Variants in LZIC observed in about 807,000 individuals in gnomAD.
LZIC encodes the protein leucine zipper and CTNNBIP1 domain containing.
Under a neutral mutation model 25.4 loss-of-function variants are expected in LZIC, and 28 were observed. That is an observed-to-expected ratio of 1.10 (90% CI 0.82 to 1.51). The LOEUF is 1.51. LZIC is among the 40% of genes most tolerant of loss of function. The probability of loss-of-function intolerance (pLI) is 0.00; values close to 1 mark genes in which losing one functional copy is unlikely to be tolerated. For missense variants in LZIC, 170 were observed against 211.1 expected, an observed-to-expected ratio of 0.81 and a Z score of 1.21; for synonymous variants, 65 against 70.7, an observed-to-expected ratio of 0.92 and a Z score of 0.40.
downstream of LZIC, chr1:9,922,299 C>T (rs775986479): frequency 2.7e-4 from 264 of 985,130 alleles, no homozygotes; most frequent in Non-Finnish European, 3.1e-4. Context: ...TTGCTGGGGA[C>T]ATCAATATTT....
chr1:9,936,552 A>G lies in LZIC; in HGVS notation c.68T>C (p.Leu23Pro). 1 of 1,613,004 alleles carries G rather than the reference A, an allele frequency of 6.2e-7. No individual in the cohort carries two copies. Among genetic ancestry groups the G allele is most frequent in the Non-Finnish European group, 8.5e-7 (1 of 1,179,022 alleles). ...CTCCAGATCTTGTAATTGTTGCATGAGTCTATCCAACTGTTCTTCTAAATT... is the reference window on the plus strand; with the variant it reads ...CTCCAGATCTTGTAATTGTTGCATGGGTCTATCCAACTGTTCTTCTAAATT... ...KQNLEEQLDRLMQQLQDLEEC... is the reference protein window; with the variant it reads ...KQNLEEQLDRPMQQLQDLEEC... Residue 23 changes from leucine to proline, a missense_variant, in exon 3 of 8, where the codon CTC becomes CCC. Coordinates refer to ENST00000377223, the MANE Select transcript of LZIC (RefSeq NM_032368.5).
intron 2 of LZIC, among the ~76,000 whole-genome samples, chr1:9,939,408 C>CAGGCTGGAGTGCAGT (rs1640602569): frequency 7.4e-6 from 1 of 134,234 alleles, no homozygotes; most frequent in Non-Finnish European, 1.5e-5. Context: ...CTCTGTCACC[C>CAGGCTGGAGTGCAGT]AGGCTGGAGT....
intron 6 of LZIC, 94 bp from the exon 7 acceptor site, chr1:9,932,066 G>T: frequency 1.6e-6 from 1 of 631,824 alleles, no homozygotes; most frequent in Non-Finnish European, 2.4e-6. Context: ...TGGGCACCGT[G>T]GCTCACGCCT....
chr1:9,926,042 C>T (rs1414834589), downstream of LZIC, among the ~76,000 whole-genome samples: 4 of 151,856 alleles, frequency 2.6e-5, no homozygotes, highest in East Asian at 1.9e-4. Flanking sequence ...TACAGGCGCC[C>T]GCCACCACGC....
At position 9,942,686 on chromosome 1, in the gene LZIC, G is replaced by A. The variant is rs1640815743; in HGVS notation, c.-71C>T. Reference sequence around the variant, plus strand: ...CGGTCTCAAATTGCACAAACCTCCAGTTCTTGACGTTCCGAGTGTCATAAA... The same window carrying A: ...CGGTCTCAAATTGCACAAACCTCCAATTCTTGACGTTCCGAGTGTCATAAA... On this transcript the variant is annotated 5_prime_UTR_variant, in exon 2 of 8. Transcript: ENST00000377223. 7.8e-7 allele frequency: 1 copy of A among 1,289,306 alleles called. No individual in the cohort carries two copies. Among genetic ancestry groups the A allele is most frequent in the African/African-American group, 1.5e-5 (1 of 65,976 alleles). 79.9% of individuals were successfully genotyped at this position (1,289,306 alleles called of 1,614,324 possible). A position where few individuals can be genotyped will look rare whatever the true frequency, so the allele number is the denominator to read the frequency against.
chr1:9,922,932 C>CTATA (rs1276937063), downstream of LZIC, among the ~76,000 whole-genome samples: 6 of 151,964 alleles, frequency 3.9e-5, no homozygotes, highest in Non-Finnish European at 8.8e-5. Context: ...CTGAGACAGA[C>CTATA]TATACTATAA....
In LZIC at chr1:9,934,793, TG is replaced by T; in HGVS notation, c.304del (p.Gln102AsnfsTer9). 1 of 1,614,206 alleles carries T rather than the reference TG, an allele frequency of 6.2e-7. No individual in the cohort carries two copies. Among genetic ancestry groups the T allele is most frequent in the Non-Finnish European group, 8.5e-7 (1 of 1,180,020 alleles). On this transcript the variant is annotated frameshift_variant, in exon 5 of 8. Transcript: ENST00000377223. LOFTEE classifies it high-confidence loss of function. ...PEVIRLFAKK[Q>X]PGQLRTRLAE... is the part of the protein sequence containing the mutation. ...TAACCTTGTCCGAAGCTGACCTGGT[TG>T]TTTCTTTGCAAACAATCTGATGACC... is the stretch of plus-strand genomic sequence containing the variant.
chr1:9,937,156 G>A (rs1405666344), intron 2 of LZIC, among the ~76,000 whole-genome samples: 1 of 152,140 alleles, frequency 6.6e-6, no homozygotes, highest in East Asian at 1.9e-4. Flanking sequence ...CACTTTGGGA[G>A]GCTGAGGTGG....
chr1:9,943,025 G>A (rs1640838380), intron 1 of LZIC: 2 of 316,806 alleles, frequency 6.3e-6, no homozygotes, highest in Admixed American at 3.9e-5. Flanking sequence ...GCTTGGAAAA[G>A]GTAAGGGCGG....
intron 5 of LZIC, among the ~76,000 whole-genome samples, chr1:9,934,021 G>A (rs1046428361): frequency 3.9e-5 from 6 of 152,054 alleles, no homozygotes; most frequent in Non-Finnish European, 8.8e-5. Flanking sequence ...GAGGTTAGGA[G>A]TTCAAGACCA....
chr1:9,927,920 G>A lies in LZIC; in HGVS notation c.*2479C>T, dbSNP rs954316788. 2.0e-4 allele frequency among the ~76,000 whole-genome samples: 30 copies of A among 151,854 alleles called. No individual in the cohort carries two copies. The highest frequency in any genetic ancestry group is 6.0e-4 in the African/African-American group (25 of 41,428). ...GAGCTCCTGATCTTGTGATCCGCCC[G>A]CCTTGGCCTCCTGAAGTGCTGGGAT... On this transcript the variant is annotated 3_prime_UTR_variant, in exon 8 of 8. Coordinates refer to ENST00000377223, the MANE Select transcript of LZIC (RefSeq NM_032368.5).
chr1:9,932,996 A>C, intron 5 of LZIC, 98 bp from the exon 6 acceptor site: 2 of 782,140 alleles, frequency 2.6e-6, no homozygotes, highest in Non-Finnish European at 4.3e-6. Flanking sequence ...TCACGCCTAT[A>C]ATCTCAACAC....
intron 2 of LZIC, among the ~76,000 whole-genome samples, chr1:9,940,459 G>A (rs1170225114): frequency 1.3e-5 from 2 of 152,052 alleles, no homozygotes; most frequent in African/African-American, 2.4e-5. Context: ...GATTACAGGC[G>A]TGAGCCACTG....
At chr1:9,936,395 G>C in intron 3 of LZIC, 124 bp downstream of exon 3, 1 of 640,426 alleles carries the variant, frequency 1.6e-6, no homozygotes, top group Non-Finnish European at 2.8e-6. Context: ...TTCTCTAATA[G>C]ACAAAGCACT....
At position 9,942,611 on chromosome 1, in the gene LZIC, C is replaced by CA; in HGVS notation, c.-9+12dup. ...CACTATATCTGGAGCGGAGGGTCCTCATTCATGCTCACCTGTCTCTTAGTA... is the reference window on the plus strand; with the variant it reads ...CACTATATCTGGAGCGGAGGGTCCTCAATTCATGCTCACCTGTCTCTTAGTA... On this transcript the variant is annotated intron_variant, in intron 2 of 7. Transcript: ENST00000377223. 8.0e-7 allele frequency: 1 copy of CA among 1,244,066 alleles called. No homozygotes were observed. The highest frequency in any genetic ancestry group is 1.1e-6 in the Non-Finnish European group (1 of 949,836). The allele number at this position is 1,244,066 out of a possible 1,614,324, so 77.1% of individuals were successfully genotyped here. A position where few individuals can be genotyped will look rare whatever the true frequency, so the allele number is the denominator to read the frequency against.
In LZIC at chr1:9,928,339, C is replaced by T. The variant is rs1232768726; in HGVS notation, c.*2060G>A. 1.3e-5 allele frequency among the ~76,000 whole-genome samples: 2 copies of T among 151,928 alleles called. No individual in the cohort carries two copies. Among genetic ancestry groups the T allele is most frequent in the African/African-American group, 4.8e-5 (2 of 41,346 alleles). Reference sequence around the variant, plus strand: ...AAAAACAACGACAACAACAACAACACAACAACAAACGCAGCAATTCCATTC... The same window carrying T: ...AAAAACAACGACAACAACAACAACATAACAACAAACGCAGCAATTCCATTC... On this transcript the variant is annotated 3_prime_UTR_variant, in exon 8 of 8. Coordinates refer to ENST00000377223, the MANE Select transcript of LZIC (RefSeq NM_032368.5).
intron 2 of LZIC, among the ~76,000 whole-genome samples, chr1:9,938,616 G>A (rs1285425887): frequency 6.6e-6 from 1 of 152,170 alleles, no homozygotes; most frequent in Admixed American, 6.6e-5. Context: ...GCAGTGGCAT[G>A]ATCATGGCTC....
At position 9,936,523 on chromosome 1, in the gene LZIC, A is replaced by G. The variant is rs762711176; in HGVS notation, c.97T>C (p.Cys33Arg). The G allele has an allele frequency of 6.2e-7, 1 of 1,607,990 alleles. No homozygotes were observed. The highest frequency in any genetic ancestry group is 1.1e-5 in the South Asian group (1 of 90,696). ...LMQQLQDLEE[C>R]REELDTDEYE... ...AACATACAATTAAACTCTTACCTGC[A>G]TTCCTCCAGATCTTGTAATTGTTGC... The change falls in exon 3 of 8, where the codon TGC becomes CGC. Residue 33 changes from cysteine to arginine, a missense_variant. By Grantham distance (180) the Cys-to-Arg change is radical (BLOSUM62 -3). Coordinates refer to ENST00000377223, the MANE Select transcript of LZIC (RefSeq NM_032368.5).
At position 9,935,322 on chromosome 1, in the gene LZIC, G is replaced by T. The variant is rs145332795; in HGVS notation, c.237+170C>A. Among the ~76,000 whole-genome samples the T allele has an allele frequency of 7.9e-5, 12 of 152,274 alleles. 1 individual carries two copies. The highest frequency in any genetic ancestry group is 2.9e-4 in the African/African-American group (12 of 41,548). ...ACATGCCTGTAATCCCAGCTCCTCA[G>T]GAGGCTGAGTAAGGAGAATCGCTTG... On this transcript the variant is annotated intron_variant, in intron 4 of 7. Transcript: ENST00000377223.
Sources: allele counts gnomAD v4.1 joint callset (sites outside exome capture counted in the v4.1 genomes callset), GRCh38; gene constraint gnomAD v4.1.1; transcripts MANE v1.5; gene names NCBI Gene and HGNC (gene_info 2026-07-23, HGNC 2026-07-21).